STK10: variants seen among roughly 807,000 people sequenced by gnomAD.
STK10 encodes the protein serine/threonine-protein kinase 10.
A neutral mutation model predicts 113.8 loss-of-function variants in STK10; 78 were observed. The observed-to-expected ratio is 0.69, with a 90% confidence interval of 0.57 to 0.83. The LOEUF (loss-of-function observed/expected upper bound fraction) is 0.83. Ranked by LOEUF, STK10 falls within the 40% of genes least tolerant of loss-of-function variation. STK10 has a pLI of 0.00. For missense variants in STK10, 1,109 were observed against 1,280.1 expected (o/e 0.87, Z 2.04); for synonymous variants, 465 against 494.7 (o/e 0.94, Z 0.80).
chr5:172,108,090 C>T (rs1190755914), intron 4 of STK10: 1 of 416,498 alleles, frequency 2.4e-6, no homozygotes, highest in Admixed American at 4.1e-5. Context: ...AGCAATTTGG[C>T]AATAAATAGC....
At position 172,082,869 on chromosome 5, in the gene STK10, C is replaced by T. The variant is rs546335375; in HGVS notation, c.1809+92G>A. 4.5e-6 allele frequency: 7 copies of T among 1,552,284 alleles called. 1 individual carries two copies. The South Asian group carries it at 7.1e-5, about 16-fold the overall frequency. On this transcript the variant is annotated intron_variant, in intron 11 of 18. Transcript: ENST00000176763. The surrounding 1 kb of genome is among the most constrained non-coding windows in gnomAD (Gnocchi z 4.3). ...TTGGGCAATTGTTGTGAATTACTCT[C>T]CACTACCCAATCATTCCCACTATGT...
At chr5:172,115,674 G>C (rs1277436253) in intron 4 of STK10, among the ~76,000 whole-genome samples, 1 of 152,318 alleles carries the variant, frequency 6.6e-6, no homozygotes, top group Non-Finnish European at 1.5e-5. Flanking sequence ...CAGCTGCCTT[G>C]GTTTGAACCC....
intron 12 of STK10, among the ~76,000 whole-genome samples, chr5:172,067,498 A>G (rs1768094927): frequency 6.6e-6 from 1 of 152,100 alleles, no homozygotes; most frequent in Non-Finnish European, 1.5e-5. Flanking sequence ...AAAGGCAATC[A>G]ATAGATGTCA....
At chr5:172,071,341 C>CAAA (rs58271522) in intron 12 of STK10, among the ~76,000 whole-genome samples, 1,209 of 53,848 alleles carry the variant, frequency 0.022, 156 homozygotes, top group Middle Eastern at 0.042. Context: ...GGATAGGTAG[C>CAAA]AAAAAAAAAA....
chr5:172,046,338 C>T (rs1169708681), intron 18 of STK10, among the ~76,000 whole-genome samples: 4 of 138,106 alleles, frequency 2.9e-5, no homozygotes, highest in African/African-American at 1.1e-4. Context: ...GCCTGGGTGA[C>T]AGAGCAAGAC....
intron 2 of STK10, among the ~76,000 whole-genome samples, chr5:172,148,529 T>TC (rs1193018962): frequency 6.6e-6 from 1 of 152,206 alleles, no homozygotes; most frequent in African/African-American, 2.4e-5. Context: ...CCCTCAGTTA[T>TC]CCACCTGCTG....
chr5:172,142,791 G>T (rs1432846692), intron 2 of STK10, among the ~76,000 whole-genome samples: 3 of 152,210 alleles, frequency 2.0e-5, no homozygotes, highest in Non-Finnish European at 4.4e-5. Context: ...GGCTCAGGAA[G>T]ATTAAGGTCA....
intron 5 of STK10, 39 bp from the exon 6 acceptor site, chr5:172,106,853 G>T (rs758108942): frequency 1.3e-6 from 2 of 1,573,366 alleles, no homozygotes; most frequent in Admixed American, 3.5e-5. Context: ...TAAGAATCTG[G>T]CCTTTACAGG....
intron 18 of STK10, among the ~76,000 whole-genome samples, chr5:172,050,432 T>C (rs1767602453): frequency 6.6e-6 from 1 of 152,152 alleles, no homozygotes; most frequent in Non-Finnish European, 1.5e-5. Context: ...GTGGCATGTG[T>C]TATAGTTCCA....
In STK10 at chr5:172,103,183, C is replaced by A. The variant is rs1321495246; in HGVS notation, c.870+2473G>T. 2.0e-5 allele frequency among the ~76,000 whole-genome samples: 3 copies of A among 152,236 alleles called. No individual in the cohort carries two copies. In the East Asian group the frequency reaches 5.8e-4, roughly 29 times the overall value. On this transcript the variant is annotated intron_variant, in intron 7 of 18. Coordinates refer to ENST00000176763, the MANE Select transcript of STK10 (RefSeq NM_005990.4). ...CTGGGCCCACCTCTGTCACTCAAAG[C>A]CAAGCGGCCTGGGGCCAGTCACCTC...
intron 7 of STK10, among the ~76,000 whole-genome samples, chr5:172,097,195 C>T (rs749362190): frequency 2.6e-5 from 4 of 152,122 alleles, no homozygotes; most frequent in Non-Finnish European, 4.4e-5. Context: ...TGTGCCACCA[C>T]GCCAGGCTAA....
At chr5:172,142,865 C>T (rs184166627) in intron 2 of STK10, among the ~76,000 whole-genome samples, 1 of 152,308 alleles carries the variant, frequency 6.6e-6, no homozygotes, top group African/African-American at 2.4e-5. Context: ...AAGCCACAAA[C>T]AGGCTGGGTC....
intron 1 of STK10, among the ~76,000 whole-genome samples, chr5:172,177,618 T>A (rs1251073255): frequency 6.6e-6 from 1 of 152,222 alleles, no homozygotes; most frequent in Non-Finnish European, 1.5e-5. Flanking sequence ...TTTCAAAGAC[T>A]TCGCATGAAA....
intron 18 of STK10, among the ~76,000 whole-genome samples, chr5:172,047,649 T>C (rs1329078737): frequency 1.3e-5 from 2 of 152,110 alleles, no homozygotes; most frequent in African/African-American, 4.8e-5. Context: ...ACAGCTGAGA[T>C]GGGCAGTTGC....
At chr5:172,147,610 T>C (rs904291659) in intron 2 of STK10, among the ~76,000 whole-genome samples, 14 of 152,150 alleles carry the variant, frequency 9.2e-5, no homozygotes, top group Non-Finnish European at 2.9e-5. Flanking sequence ...GCCAGGGTGG[T>C]CTCGAACTTC....
intron 1 of STK10, among the ~76,000 whole-genome samples, chr5:172,180,262 A>G (rs1468113481): frequency 6.6e-6 from 1 of 151,738 alleles, no homozygotes; most frequent in Non-Finnish European, 1.5e-5. Context: ...TCAGGAGTTC[A>G]AGACCAGCCT....
chr5:172,151,890 A>G (rs148504382), intron 2 of STK10, among the ~76,000 whole-genome samples: 58 of 152,324 alleles, frequency 3.8e-4, no homozygotes, highest in Non-Finnish European at 7.8e-4. Flanking sequence ...CGCCAGCCGC[A>G]ACACCTTCTG....
At chr5:172,095,844 G>C (rs1328027696) in intron 8 of STK10, among the ~76,000 whole-genome samples, 3 of 152,228 alleles carry the variant, frequency 2.0e-5, no homozygotes, top group Non-Finnish European at 4.4e-5. Context: ...TAAGGCCAGG[G>C]ATTACGGAGC....
At chr5:172,095,993 T>C (rs1366496931) in intron 8 of STK10, among the ~76,000 whole-genome samples, 1 of 152,194 alleles carries the variant, frequency 6.6e-6, no homozygotes, top group Non-Finnish European at 1.5e-5. Context: ...TGCCCAGACA[T>C]GGGTCCCCTT....
Sources: allele counts gnomAD v4.1 joint callset (sites outside exome capture counted in the v4.1 genomes callset), GRCh38; gene constraint gnomAD v4.1.1; non-coding constraint Gnocchi (gnomAD v3.1); transcripts MANE v1.5; gene names NCBI Gene and HGNC (gene_info 2026-07-23, HGNC 2026-07-21).